The following MACROD2 variants were observed in gnomAD, a reference collection of about 807,000 sequenced individuals.
MACROD2 encodes the protein mono-ADP ribosylhydrolase 2.
Under a neutral mutation model 70.4 loss-of-function variants are expected in MACROD2, and 36 were observed. The ratio of observed to expected loss-of-function variants is 0.51; its 90% CI spans 0.39 to 0.68. The LOEUF (loss-of-function observed/expected upper bound fraction) is 0.68, where lower values mean the gene tolerates loss of function less well. Among genes scored for constraint, MACROD2 ranks in the 30% least tolerant of loss-of-function variants. The pLI is 0.00. For synonymous variants in MACROD2, 172 were observed against 178.8 expected (o/e 0.96, Z 0.30); for missense variants, 496 against 538.4 (o/e 0.92, Z 0.78).
intron 3 of MACROD2, chr20:14,086,143 G>A (rs13040893): frequency 2.8e-6 from 1 of 351,360 alleles, no homozygotes; most frequent in African/African-American, 2.1e-5. Context: ...AGACAAAAGT[G>A]AAAATATAAA....
At chr20:14,103,995 CAG>C (rs2054334752) in intron 3 of MACROD2, among the ~76,000 whole-genome samples, 1 of 152,090 alleles carries the variant, frequency 6.6e-6, no homozygotes, top group African/African-American at 2.4e-5. Flanking sequence ...TAGGTACACA[CAG>C]ACACACATAC....
intron 5 of MACROD2, among the ~76,000 whole-genome samples, chr20:14,854,738 C>T (rs372885981): frequency 4.0e-4 from 61 of 152,210 alleles, no homozygotes; most frequent in African/African-American, 1.3e-3. Flanking sequence ...ACAAATGGGC[C>T]GGGCACGATG....
Position 15,975,772 on chromosome 20 carries a change from C to T in MACROD2, c.985+8142C>T, listed in dbSNP as rs572159839. Among the ~76,000 whole-genome samples, 32 of 152,192 alleles carry T rather than the reference C, an allele frequency of 2.1e-4. No homozygotes were observed. In the South Asian group the frequency reaches 4.8e-3, roughly 23 times the overall value. Reference sequence around the variant, plus strand: ...TCTCAATGCTTATATGCATTTTTAGCGTATCCATAAGGAAATTGCATTTCT... The same window carrying T: ...TCTCAATGCTTATATGCATTTTTAGTGTATCCATAAGGAAATTGCATTTCT... On this transcript the variant is annotated intron_variant, in intron 13 of 17. Coordinates refer to ENST00000684519, the MANE Select transcript of MACROD2 (RefSeq NM_001351661.2).
At position 15,488,490 on chromosome 20, in the gene MACROD2, C is replaced by T. The variant is rs138825635; in HGVS notation, c.572-11284C>T. On this transcript the variant is annotated intron_variant, in intron 7 of 17. Transcript: ENST00000684519. Reference sequence around the variant, plus strand: ...ACACACAATAACCAAGCAAACAAAACGGACATCATTTCAGGTAGTGATAAG... The same window carrying T: ...ACACACAATAACCAAGCAAACAAAATGGACATCATTTCAGGTAGTGATAAG... 7.0e-4 allele frequency among the ~76,000 whole-genome samples: 106 copies of T among 152,288 alleles called. 1 individual carries two copies. The South Asian group carries it at 9.3e-3, about 13-fold the overall frequency.
intron 8 of MACROD2, among the ~76,000 whole-genome samples, chr20:15,679,103 G>A (rs1202975298): frequency 2.0e-5 from 3 of 152,072 alleles, no homozygotes; most frequent in Non-Finnish European, 4.4e-5. Flanking sequence ...TGGGTGTAGT[G>A]GCACATGTCT....
chr20:14,616,473 GAAT>G (rs1211011983), intron 4 of MACROD2, among the ~76,000 whole-genome samples: 1 of 152,042 alleles, frequency 6.6e-6, no homozygotes, highest in African/African-American at 2.4e-5. Context: ...GAATTTTGGT[GAAT>G]AATATTATTT....
chr20:14,554,386 C>G (rs529399490), intron 4 of MACROD2: 2 of 152,162 alleles, frequency 1.3e-5, no homozygotes, highest in Non-Finnish European at 2.9e-5. Context: ...GACTGAAGCT[C>G]AGACAGCTAA....
At chr20:16,013,239 G>T (rs559301490) in intron 15 of MACROD2, among the ~76,000 whole-genome samples, 1 of 152,202 alleles carries the variant, frequency 6.6e-6, no homozygotes, top group African/African-American at 2.4e-5. Context: ...GAAGAGGGTG[G>T]CATAAGTAAT....
At chr20:15,124,382 TA>T (rs1331303114) in intron 5 of MACROD2, among the ~76,000 whole-genome samples, 1 of 148,830 alleles carries the variant, frequency 6.7e-6, no homozygotes, top group African/African-American at 2.5e-5. Flanking sequence ...AAGGCAAAGA[TA>T]AAATTACAAG....
rs967580423 is a variant in MACROD2, at chr20:14,770,424, A to C, written c.418+85465A>C. 3.7e-4 allele frequency among the ~76,000 whole-genome samples: 57 copies of C among 152,236 alleles called. 1 individual carries two copies. Among genetic ancestry groups the C allele is most frequent in the African/African-American group, 1.3e-3 (52 of 41,508 alleles). ...GCTTTGGTAAAAATAAACAAAAAAT[A>C]AAACTATGTCTTAAAATATAAGTAT... On this transcript the variant is annotated intron_variant, in intron 5 of 17. Transcript: ENST00000684519.
intron 5 of MACROD2, among the ~76,000 whole-genome samples, chr20:15,158,850 G>A (rs780017526): frequency 2.6e-5 from 4 of 152,218 alleles, no homozygotes; most frequent in Non-Finnish European, 4.4e-5. Flanking sequence ...GAGCTTTGAC[G>A]TCTCAGTTAC....
intron 3 of MACROD2, among the ~76,000 whole-genome samples, chr20:14,382,202 C>G (rs905288109): frequency 2.6e-5 from 4 of 151,830 alleles, no homozygotes; most frequent in African/African-American, 9.7e-5. Context: ...GCTGGGACTG[C>G]AGGCATCCCT....
chr20:15,969,963 A>G (rs1184944450), intron 13 of MACROD2, among the ~76,000 whole-genome samples: 3 of 151,428 alleles, frequency 2.0e-5, no homozygotes, highest in Non-Finnish European at 4.4e-5. Flanking sequence ...AATCCACAAC[A>G]TGACCCATCA....
chr20:15,463,717 C>A (rs1176103916), intron 7 of MACROD2, among the ~76,000 whole-genome samples: 1 of 152,090 alleles, frequency 6.6e-6, no homozygotes, highest in Non-Finnish European at 1.5e-5. Context: ...CCACTGCACT[C>A]CAGCCTGGGC....
chr20:15,037,653 C>A (rs1054764980), intron 5 of MACROD2, among the ~76,000 whole-genome samples: 1 of 151,644 alleles, frequency 6.6e-6, no homozygotes, highest in Non-Finnish European at 1.5e-5. Flanking sequence ...CTACCTCATG[C>A]CTTTACTTTT....
At chr20:15,470,832 C>T (rs2046954902) in intron 7 of MACROD2, among the ~76,000 whole-genome samples, 1 of 152,226 alleles carries the variant, frequency 6.6e-6, no homozygotes, top group Admixed American at 6.5e-5. Flanking sequence ...TTCTGCATCA[C>T]TGTGATTCTG....
chr20:14,973,658 A>G, intron 5 of MACROD2, among the ~76,000 whole-genome samples: 1 of 152,198 alleles, frequency 6.6e-6, no homozygotes, highest in East Asian at 1.9e-4. Flanking sequence ...TTATTTGGGA[A>G]CAGTGTGAAC....
intron 5 of MACROD2, among the ~76,000 whole-genome samples, chr20:15,001,256 A>G (rs1218603578): frequency 6.6e-6 from 1 of 152,174 alleles, no homozygotes; most frequent in Non-Finnish European, 1.5e-5. Flanking sequence ...ATCACCTCTC[A>G]AAGTGATTTT....
At chr20:14,967,876 T>C (rs2074653201) in intron 5 of MACROD2, among the ~76,000 whole-genome samples, 1 of 152,176 alleles carries the variant, frequency 6.6e-6, no homozygotes. Flanking sequence ...ACCTACCCGA[T>C]AGTGTTGTTA....
Sources: allele counts gnomAD v4.1 joint callset (sites outside exome capture counted in the v4.1 genomes callset), GRCh38; gene constraint gnomAD v4.1.1; transcripts MANE v1.5; gene names NCBI Gene and HGNC (gene_info 2026-07-23, HGNC 2026-07-21).